NAV2: variants seen among roughly 807,000 people sequenced by gnomAD.
The protein encoded by NAV2 is neuron navigator 2, also known as helicase, APC down-regulated 1.
A neutral mutation model predicts 223.2 loss-of-function variants in NAV2; 54 were observed. The ratio of observed to expected loss-of-function variants is 0.24; its 90% CI spans 0.19 to 0.30. NAV2 has a LOEUF of 0.30. NAV2 is among the 10% of genes least tolerant of loss of function. The pLI is 1.00. For synonymous variants in NAV2, 1,279 were observed against 1,239.3 expected (o/e 1.03, Z -0.67); for missense variants, 2,806 against 3,147.5 (o/e 0.89, Z 2.60).
In NAV2 at chr11:19,933,493, G is replaced by C; in HGVS notation, c.1249G>C (p.Gly417Arg). 6.2e-7 allele frequency: 1 copy of C among 1,611,196 alleles called. No individual in the cohort carries two copies. Among genetic ancestry groups the C allele is most frequent in the Non-Finnish European group, 8.5e-7 (1 of 1,178,816 alleles). The change falls in exon 7 of 38, where the codon GGT becomes CGT. Residue 417 changes from glycine (G) to arginine (R), a missense_variant. Physicochemically the swap from Gly to Arg is moderately radical, Grantham distance 125 (BLOSUM62 -2). Transcript: ENST00000349880. The surrounding 1 kb of genome is among the most constrained non-coding windows in gnomAD (Gnocchi z 4.3). ...LFNSKGGSKA[G>R]EGPGSRDTSC... is the part of the protein sequence containing the mutation. ...CAACAGTAAAGGGGGCTCAAAGGCA[G>C]GTGAGGGGCCGGGGTCCCGGGACAC... is the stretch of plus-strand genomic sequence containing the variant.
At chr11:19,781,395 G>C (rs2056730756) in intron 1 of NAV2, among the ~76,000 whole-genome samples, 1 of 152,188 alleles carries the variant, frequency 6.6e-6, no homozygotes, top group Admixed American at 6.5e-5. Flanking sequence ...ATCCTGGGAG[G>C]GAGGTGGAGA....
chr11:19,866,918 G>A (rs948261929), intron 3 of NAV2, among the ~76,000 whole-genome samples: 1 of 152,114 alleles, frequency 6.6e-6, no homozygotes, highest in African/African-American at 2.4e-5. Flanking sequence ...CACCAGCCAT[G>A]TGCAAGATAT....
intron 24 of NAV2, among the ~76,000 whole-genome samples, chr11:20,078,461 A>G (rs2059895452): frequency 6.6e-6 from 1 of 152,150 alleles, no homozygotes; most frequent in African/African-American, 2.4e-5. Context: ...GTCCAAGAAA[A>G]GATTTCTTTT....
intron 1 of NAV2, among the ~76,000 whole-genome samples, chr11:19,382,600 C>T (rs180674567): frequency 5.3e-4 from 81 of 152,266 alleles, no homozygotes; most frequent in African/African-American, 1.7e-3. Context: ...GAAACTGCGG[C>T]CCGAAGTCTA....
chr11:19,680,378 A>C (rs183307746), intron 1 of NAV2, among the ~76,000 whole-genome samples: 58 of 152,286 alleles, frequency 3.8e-4, no homozygotes, highest in Middle Eastern at 6.8e-3. Context: ...TAACCGCCTG[A>C]GTAAAGACTC....
intron 35 of NAV2, among the ~76,000 whole-genome samples, chr11:20,106,076 G>C (rs911302696): frequency 6.7e-6 from 1 of 148,830 alleles, no homozygotes; most frequent in South Asian, 2.2e-4. Flanking sequence ...AGAGAAAAAA[G>C]ATCACTAACC....
chr11:19,740,639 G>T (rs1258220708), intron 1 of NAV2, among the ~76,000 whole-genome samples: 1 of 152,194 alleles, frequency 6.6e-6, no homozygotes, highest in Non-Finnish European at 1.5e-5. Flanking sequence ...ATATTTTGCA[G>T]AGGGGAAGAG....
At chr11:19,348,302 G>A (rs981177629), upstream of NAV2, among the ~76,000 whole-genome samples, 1 of 152,156 alleles carries the variant, frequency 6.6e-6, no homozygotes, top group African/African-American at 2.4e-5. Context: ...CTTCCAAGCA[G>A]GAGACCCTTT....
chr11:19,587,846 T>G (rs1270149142), intron 1 of NAV2, among the ~76,000 whole-genome samples: 1 of 152,226 alleles, frequency 6.6e-6, no homozygotes, highest in Non-Finnish European at 1.5e-5. Flanking sequence ...CATCCACATT[T>G]TAGTCCAAGG....
chr11:20,112,581 G>A (rs2062725932), intron 36 of NAV2, among the ~76,000 whole-genome samples: 1 of 152,226 alleles, frequency 6.6e-6, no homozygotes. Context: ...CCAGCAGGCT[G>A]TCACACTGAT....
intron 1 of NAV2, among the ~76,000 whole-genome samples, chr11:19,659,865 T>C (rs1161743091): frequency 1.3e-5 from 2 of 152,150 alleles, no homozygotes; most frequent in African/African-American, 4.8e-5. Flanking sequence ...AATTTCTACT[T>C]CACAGGGTTG....
chr11:19,806,472 C>T (rs1193231798), intron 1 of NAV2, among the ~76,000 whole-genome samples: 1 of 152,184 alleles, frequency 6.6e-6, no homozygotes, highest in Admixed American at 6.5e-5. Context: ...GGAGATGGAA[C>T]CTCTTGATCT....
intron 1 of NAV2, among the ~76,000 whole-genome samples, chr11:19,717,595 A>G (rs1013080020): frequency 1.3e-5 from 2 of 152,248 alleles, no homozygotes; most frequent in African/African-American, 2.4e-5. Context: ...CAGATCTGAC[A>G]TCTTCCCTTT....
At chr11:19,656,426 A>T (rs2048127802) in intron 1 of NAV2, among the ~76,000 whole-genome samples, 1 of 152,182 alleles carries the variant, frequency 6.6e-6, no homozygotes, top group African/African-American at 2.4e-5. Context: ...TGAGGAACAG[A>T]AAGAAGGCCA....
At chr11:19,739,651 A>T (rs577107228) in intron 1 of NAV2, among the ~76,000 whole-genome samples, 1 of 152,318 alleles carries the variant, frequency 6.6e-6, no homozygotes, top group Non-Finnish European at 1.5e-5. Flanking sequence ...TAGCCACAGT[A>T]TCCACCATGC....
At chr11:19,831,259 A>G (rs1480950359) in intron 1 of NAV2, among the ~76,000 whole-genome samples, 53 of 48,840 alleles carry the variant, frequency 1.1e-3, no homozygotes, top group Admixed American at 1.2e-3. Context: ...GTGGGGGGGG[A>G]TGACCATTGT....
At chr11:19,483,259 A>G (rs1564973884) in intron 1 of NAV2, among the ~76,000 whole-genome samples, 1 of 152,248 alleles carries the variant, frequency 6.6e-6, no homozygotes, top group Non-Finnish European at 1.5e-5. Context: ...TAAGTTTTCA[A>G]TTGCATGTCA....
intron 20 of NAV2, among the ~76,000 whole-genome samples, chr11:20,063,152 CT>C (rs2058815291): frequency 6.6e-6 from 1 of 152,144 alleles, no homozygotes; most frequent in Non-Finnish European, 1.5e-5. Context: ...AGAACAGTAC[CT>C]AGCACGTAGT....
chr11:19,990,874 T>C (rs1185486840), intron 11 of NAV2, among the ~76,000 whole-genome samples: 1 of 152,204 alleles, frequency 6.6e-6, no homozygotes, highest in East Asian at 1.9e-4. Flanking sequence ...AAAACTCTTT[T>C]GGACAGCACT....
Sources: allele counts gnomAD v4.1 joint callset (sites outside exome capture counted in the v4.1 genomes callset), GRCh38; gene constraint gnomAD v4.1.1; non-coding constraint Gnocchi (gnomAD v3.1); transcripts MANE v1.5; gene names NCBI Gene and HGNC (gene_info 2026-07-23, HGNC 2026-07-21).